Variants in MIA2 observed in about 807,000 individuals in gnomAD.
MIA2 encodes melanoma inhibitory activity protein 2.
Under a neutral mutation model 167.8 loss-of-function variants are expected in MIA2, and 127 were observed. The ratio of observed to expected loss-of-function variants is 0.76; its 90% CI spans 0.66 to 0.88. The LOEUF is 0.88. Among genes scored for constraint, MIA2 ranks in the 40% least tolerant of loss-of-function variants. The probability of loss-of-function intolerance (pLI) is 0.00; values close to 1 mark genes in which losing one functional copy is unlikely to be tolerated. For synonymous variants in MIA2, 552 were observed against 541.9 expected (o/e 1.02, Z -0.26); for missense variants, 1,690 against 1,624.7 (o/e 1.04, Z -0.69).
chr14:39,353,792 C>T (rs189205347), downstream of MIA2, among the ~76,000 whole-genome samples: 969 of 152,264 alleles, frequency 6.4e-3, 3 homozygotes, highest in Non-Finnish European at 9.0e-3. Context: ...TCAATTCCCA[C>T]CTATGAGTGA....
At chr14:39,294,495 G>A (rs1293002944) in intron 12 of MIA2, among the ~76,000 whole-genome samples, 1 of 148,946 alleles carries the variant, frequency 6.7e-6, no homozygotes, top group Non-Finnish European at 1.5e-5. Flanking sequence ...ACCACACCCA[G>A]CTTGTATTTT....
intron 23 of MIA2, chr14:39,386,283 A>G (rs1417223299): frequency 1.0e-5 from 15 of 1,458,458 alleles, no homozygotes; most frequent in Non-Finnish European, 1.4e-5. Context: ...AATTTCTCTG[A>G]GGAATTTCTG....
chr14:39,345,632 A>T (rs117020545), intron 25 of MIA2, among the ~76,000 whole-genome samples: 1 of 152,162 alleles, frequency 6.6e-6, no homozygotes, highest in African/African-American at 2.4e-5. Flanking sequence ...CATATATATA[A>T]AACTAAATTC....
intron 18 of MIA2, among the ~76,000 whole-genome samples, chr14:39,312,200 C>T (rs1049786397): frequency 6.6e-6 from 1 of 152,104 alleles, no homozygotes; most frequent in African/African-American, 2.4e-5. Context: ...ATAGGCCCAC[C>T]CAAATTCAAT....
At chr14:39,240,094 T>G (rs2053971363) in intron 2 of MIA2, among the ~76,000 whole-genome samples, 1 of 152,152 alleles carries the variant, frequency 6.6e-6, no homozygotes. Flanking sequence ...TGTAGACCTT[T>G]ACTATCATGA....
chr14:39,345,810 A>G, intron 25 of MIA2, 94 bp from the exon 26 acceptor site: 1 of 1,024,116 alleles, frequency 9.8e-7, no homozygotes. Flanking sequence ...AAGTGTTAGA[A>G]TACAGGTCAA....
At chr14:39,263,536 CTTTCT>C (rs1365282144) in intron 6 of MIA2, among the ~76,000 whole-genome samples, 2 of 149,360 alleles carry the variant, frequency 1.3e-5, no homozygotes, top group East Asian at 3.9e-4. Context: ...TGCCCAGCAT[CTTTCT>C]TTTCTTTTCT....
rs1294560407 is a variant in MIA2 at position 39,289,762 on chromosome 14, C to T, written c.2131-1257C>T. Among the ~76,000 whole-genome samples, 4 of 152,196 alleles carry T rather than the reference C, an allele frequency of 2.6e-5. 1 individual carries two copies. Among genetic ancestry groups the T allele is most frequent in the Non-Finnish European group, 5.9e-5 (4 of 68,034 alleles). ...CCTCCCAAAATGCTGGGATTACAGA[C>T]ATGAGCTACCATGCCCAGCCTTAAA... On this transcript the variant is annotated intron_variant, in intron 9 of 28. Coordinates refer to ENST00000640607, the MANE Select transcript of MIA2 (RefSeq NM_001329214.4).
At chr14:39,234,601 T>A (rs1380617066) in intron 1 of MIA2, among the ~76,000 whole-genome samples, 1 of 152,092 alleles carries the variant, frequency 6.6e-6, no homozygotes, top group Non-Finnish European at 1.5e-5. Context: ...TCAGGCTAAT[T>A]TGATAGGCCT....
At chr14:39,358,444 C>T (rs979604854) in intron 23 of MIA2, among the ~76,000 whole-genome samples, 37 of 152,010 alleles carry the variant, frequency 2.4e-4, no homozygotes, top group Non-Finnish European at 4.0e-4. Context: ...TATTCTAGTT[C>T]GCCATTTGTC....
At chr14:39,240,539 T>C (rs777525396) in intron 2 of MIA2, 22 bp from the exon 3 acceptor site, 1 of 1,566,634 alleles carries the variant, frequency 6.4e-7, no homozygotes, top group South Asian at 1.1e-5. Context: ...TCCTCGATAA[T>C]CTTTGTTCTT....
intron 17 of MIA2, among the ~76,000 whole-genome samples, chr14:39,307,577 T>G (rs931786112): frequency 1.3e-4 from 19 of 151,964 alleles, no homozygotes; most frequent in African/African-American, 4.6e-4. Flanking sequence ...AATTTTTGTA[T>G]TTTAAGTAGA....
downstream of MIA2, among the ~76,000 whole-genome samples, chr14:39,352,199 CTT>C (rs11392444): frequency 8.3e-5 from 11 of 133,020 alleles, no homozygotes; most frequent in Non-Finnish European, 1.3e-4. Flanking sequence ...TTGTTTTTGG[CTT>C]TTTTTTTTTT....
chr14:39,267,283 T>TGCCTC (rs758269201), intron 6 of MIA2: 22 of 1,451,540 alleles, frequency 1.5e-5, no homozygotes, highest in Non-Finnish European at 1.9e-5. Flanking sequence ...CGTAGGCCTG[T>TGCCTC]GAGGCCTGCG....
At position 39,313,361 on chromosome 14, in the gene MIA2, T is replaced by C. The variant is rs1269454319; in HGVS notation, c.3039T>C (p.Asn1013=). 1 of 1,595,816 alleles carries C rather than the reference T, an allele frequency of 6.3e-7. No individual in the cohort carries two copies. The highest frequency in any genetic ancestry group is 1.3e-5 in the African/African-American group (1 of 74,162). Residue 1013 remains asparagine, a synonymous_variant, in exon 19 of 29, where the codon AAT becomes AAC. Coordinates refer to ENST00000640607, the MANE Select transcript of MIA2 (RefSeq NM_001329214.4). ...KLHRKLTVEE[N]YRLEKEEKLS... ...TAAGGAAATTAACAGTAGAGGAAAA[T>C]TATCGGTTAGAGAAAGAAGAGAAAC...
chr14:39,306,761 C>T (rs1216639970), intron 17 of MIA2, among the ~76,000 whole-genome samples: 1 of 152,126 alleles, frequency 6.6e-6, no homozygotes. Flanking sequence ...GGTGGTGATT[C>T]ATATACACGT....
intron 6 of MIA2, chr14:39,265,659 A>G (rs1441426398): frequency 1.3e-5 from 5 of 388,630 alleles, no homozygotes; most frequent in East Asian, 4.7e-5. Context: ...TTGTTTTTTG[A>G]AAGTTCTAAA....
intron 1 of MIA2, among the ~76,000 whole-genome samples, chr14:39,235,282 A>G (rs2152590920): frequency 6.6e-6 from 1 of 152,242 alleles, no homozygotes; most frequent in South Asian, 2.1e-4. Context: ...TCAGCCTCCC[A>G]AAGTGCTAAG....
chr14:39,371,382 G>T (rs914826532), intron 23 of MIA2, among the ~76,000 whole-genome samples: 5 of 152,138 alleles, frequency 3.3e-5, no homozygotes, highest in African/African-American at 1.2e-4. Context: ...AAAAAGACAA[G>T]ACTTTTTTAG....
Sources: gnomAD v4.1 joint callset for allele counts (sites outside exome capture counted in the v4.1 genomes callset) on GRCh38, gnomAD v4.1.1 for gene constraint, MANE v1.5 for transcripts, NCBI Gene and HGNC (gene_info 2026-07-23, HGNC 2026-07-21) for gene names.